MLLT3: variants seen among roughly 807,000 people sequenced by gnomAD.
MLLT3 encodes the protein protein AF-9.
Under a neutral mutation model 53.2 loss-of-function variants are expected in MLLT3, and 4 were observed. The observed-to-expected ratio is 0.08, with a 90% CI of 0.04 to 0.17. The LOEUF is 0.17. Among genes scored for constraint, MLLT3 ranks in the 10% least tolerant of loss-of-function variants. The pLI is 1.00. For synonymous variants in MLLT3, 283 were observed against 230.6 expected (o/e 1.23, Z -2.06); for missense variants, 569 against 684.0 (o/e 0.83, Z 1.87).
intron 2 of MLLT3, among the ~76,000 whole-genome samples, chr9:20,576,504 T>C (rs553384603): frequency 6.6e-6 from 1 of 152,078 alleles, no homozygotes; most frequent in Admixed American, 6.6e-5. Flanking sequence ...AGATGTGTAA[T>C]TGGCTTAATT....
chr9:20,386,769 C>T (rs1373931791), intron 5 of MLLT3, among the ~76,000 whole-genome samples: 1 of 152,116 alleles, frequency 6.6e-6, no homozygotes, highest in East Asian at 1.9e-4. Context: ...CAGTCTGCTC[C>T]TATGGTAAAA....
intron 2 of MLLT3, among the ~76,000 whole-genome samples, chr9:20,618,033 C>T (rs1587137621): frequency 6.6e-6 from 1 of 152,178 alleles, no homozygotes; most frequent in African/African-American, 2.4e-5. Context: ...GCAGTTCATC[C>T]TCAGTCCTAA....
At chr9:20,618,926 T>C (rs1174654489) in intron 2 of MLLT3, among the ~76,000 whole-genome samples, 1 of 152,166 alleles carries the variant, frequency 6.6e-6, no homozygotes, top group Non-Finnish European at 1.5e-5. Flanking sequence ...CCAACTGAGT[T>C]AATTTTCCTA....
intron 6 of MLLT3, among the ~76,000 whole-genome samples, chr9:20,365,260 T>C (rs534243540): frequency 2.0e-4 from 31 of 152,328 alleles, no homozygotes; most frequent in African/African-American, 7.2e-4. Flanking sequence ...TACAACTGCA[T>C]AAAAGCCAAG....
In MLLT3 at chr9:20,620,034, G is replaced by A. The variant is rs747149223; in HGVS notation, c.193+620C>T. On this transcript the variant is annotated intron_variant, in intron 2 of 10. Transcript: ENST00000380338. The surrounding 1 kb of genome is among the most constrained non-coding windows in gnomAD (Gnocchi z 6.1). ...ACGCGGGGGTGGGAGGGAGGAACGA[G>A]TAAGCCCCCCAAGTAAACATAAAAT... 8.6e-5 allele frequency among the ~76,000 whole-genome samples: 13 copies of A among 151,956 alleles called. No individual in the cohort carries two copies. The highest frequency in any genetic ancestry group is 1.8e-4 in the Non-Finnish European group (12 of 67,972).
intron 5 of MLLT3, among the ~76,000 whole-genome samples, chr9:20,392,298 T>G (rs1294407251): frequency 6.6e-6 from 1 of 152,192 alleles, no homozygotes; most frequent in African/African-American, 2.4e-5. Context: ...ATATTTCTAT[T>G]TTGTCAGCTC....
intron 8 of MLLT3, among the ~76,000 whole-genome samples, chr9:20,360,370 C>A (rs1435405750): frequency 3.3e-5 from 5 of 152,090 alleles, no homozygotes; most frequent in Non-Finnish European, 7.4e-5. Flanking sequence ...AGTAAATTAC[C>A]AGTGGTAAAG....
At chr9:20,347,336 G>A (rs565247896) in intron 10 of MLLT3, among the ~76,000 whole-genome samples, 2 of 152,126 alleles carry the variant, frequency 1.3e-5, no homozygotes, top group African/African-American at 4.8e-5. Context: ...AATATTTTGG[G>A]GAGATTTTAA....
At chr9:20,388,870 G>A (rs1378588212) in intron 5 of MLLT3, among the ~76,000 whole-genome samples, 1 of 152,122 alleles carries the variant, frequency 6.6e-6, no homozygotes, top group African/African-American at 2.4e-5. Flanking sequence ...ACATTCCAGT[G>A]GGGAGAAAAA....
chr9:20,359,045 T>G (rs1821247935), intron 8 of MLLT3, among the ~76,000 whole-genome samples: 1 of 146,814 alleles, frequency 6.8e-6, no homozygotes, highest in Non-Finnish European at 1.5e-5. Context: ...CTCGCGGGGC[T>G]GAGGCAGGAG....
intron 2 of MLLT3, among the ~76,000 whole-genome samples, chr9:20,475,318 A>C (rs1364875779): frequency 6.6e-6 from 1 of 152,098 alleles, no homozygotes; most frequent in African/African-American, 2.4e-5. Context: ...TAATTCACCT[A>C]AAAAGACTTA....
intron 5 of MLLT3, among the ~76,000 whole-genome samples, chr9:20,366,269 A>C (rs898800898): frequency 1.3e-5 from 2 of 151,528 alleles, no homozygotes; most frequent in African/African-American, 4.9e-5. Flanking sequence ...TTATTGTTCA[A>C]CTCTTCACTT....
chr9:20,552,593 A>T (rs563480910), intron 2 of MLLT3, among the ~76,000 whole-genome samples: 1 of 152,282 alleles, frequency 6.6e-6, no homozygotes, highest in East Asian at 1.9e-4. Flanking sequence ...CTATGAGCCC[A>T]GTGATAGGTG....
intron 5 of MLLT3, among the ~76,000 whole-genome samples, chr9:20,391,664 C>T (rs920634081): frequency 6.6e-6 from 1 of 152,194 alleles, no homozygotes; most frequent in African/African-American, 2.4e-5. Flanking sequence ...TCCGTATTTA[C>T]CTCTTGTAAA....
At position 20,621,958 on chromosome 9, in the gene MLLT3, C is replaced by T. The variant is rs539535011; in HGVS notation, c.12+287G>A. The T allele has an allele frequency of 4.3e-6, 6 of 1,391,866 alleles. No homozygotes were observed. Among genetic ancestry groups the T allele is most frequent in the Admixed American group, 3.4e-5 (1 of 29,834 alleles). 86.2% of individuals were successfully genotyped at this position (1,391,866 alleles called of 1,614,324 possible). On this transcript the variant is annotated intron_variant, in intron 1 of 10. Coordinates refer to ENST00000380338, the MANE Select transcript of MLLT3 (RefSeq NM_004529.4). The surrounding 1 kb of genome is among the most constrained non-coding windows in gnomAD (Gnocchi z 7.0). ...GTGAGCGAGAGGGAGTGTGTGAGTG[C>T]GCTTCTTGTGACTGCAAAGAGGCGA...
intron 3 of MLLT3, among the ~76,000 whole-genome samples, chr9:20,456,307 G>T (rs1040102408): frequency 1.3e-5 from 2 of 151,502 alleles, no homozygotes; most frequent in African/African-American, 4.9e-5. Flanking sequence ...GTATGGTGTG[G>T]GTACCAGCTA....
chr9:20,587,888 T>C (rs1377325306), intron 2 of MLLT3, among the ~76,000 whole-genome samples: 3 of 152,288 alleles, frequency 2.0e-5, no homozygotes, highest in East Asian at 1.9e-4. Flanking sequence ...GACATTGCTT[T>C]TGGTGTTTTA....
At chr9:20,531,856 T>A (rs79323241) in intron 2 of MLLT3, among the ~76,000 whole-genome samples, 2,351 of 152,260 alleles carry the variant, frequency 0.015, 57 homozygotes, top group African/African-American at 0.052. Context: ...CTGTGTAAAC[T>A]ACTGATTCAC....
intron 5 of MLLT3, among the ~76,000 whole-genome samples, chr9:20,383,007 G>A (rs777427029): frequency 7.2e-5 from 11 of 151,856 alleles, no homozygotes; most frequent in Non-Finnish European, 2.9e-5. Context: ...CAAATAAAAG[G>A]TGGTAGAGTT....
Sources: gnomAD v4.1 joint callset for allele counts (sites outside exome capture counted in the v4.1 genomes callset) on GRCh38, gnomAD v4.1.1 for gene constraint, Gnocchi (gnomAD v3.1) non-coding constraint, MANE v1.5 for transcripts, NCBI Gene and HGNC (gene_info 2026-07-23, HGNC 2026-07-21) for gene names.